MORC3: variants seen among roughly 807,000 people sequenced by gnomAD.
MORC3 encodes the protein MORC family CW-type zinc finger 3.
A neutral mutation model predicts 109.1 loss-of-function variants in MORC3; 31 were observed. The ratio of observed to expected loss-of-function variants is 0.28; its 90% CI spans 0.21 to 0.38. MORC3 has a LOEUF of 0.38. Ranked by LOEUF, MORC3 falls within the 10% of genes least tolerant of loss-of-function variation. MORC3 has a pLI of 1.00. For missense variants in MORC3, 867 were observed against 1,135.8 expected, an observed-to-expected ratio of 0.76 and a Z score of 3.40; for synonymous variants, 395 against 380.7, an observed-to-expected ratio of 1.04 and a Z score of -0.44.
Position 36,369,740 on chromosome 21 carries a change from A to G in MORC3, c.2372A>G (p.Gln791Arg). ...ERLKKQCSAL[Q>R]HVKAECSQCS... Reference sequence around the variant, plus strand: ...CTGAAAAAACAATGTAGTGCTTTGCAACATGTAAAGGCTGAATGCAGCCAG... The same window carrying G: ...CTGAAAAAACAATGTAGTGCTTTGCGACATGTAAAGGCTGAATGCAGCCAG... Residue 791 changes from glutamine to arginine, a missense_variant, in exon 15 of 17, where the codon CAA (glutamine) becomes CGA (arginine). Coordinates refer to ENST00000400485, the MANE Select transcript of MORC3 (RefSeq NM_015358.3). The G allele has an allele frequency of 6.2e-7, 1 of 1,614,246 alleles. No individual in the cohort carries two copies. The highest frequency in any genetic ancestry group is 1.1e-5 in the South Asian group (1 of 91,088).
In MORC3 at chr21:36,337,829, G is replaced by T. The variant is rs773678802; in HGVS notation, c.343G>T (p.Ala115Ser). 36 of 1,614,034 alleles carry T rather than the reference G, an allele frequency of 2.2e-5. No individual in the cohort carries two copies. The highest frequency in any genetic ancestry group is 4.5e-5 in the East Asian group (2 of 44,892). The change falls in exon 4 of 17, where the codon GCA (alanine) becomes TCA (serine). Residue 115 changes from alanine (A) to serine (S), a missense_variant. Ala to Ser is a moderately conservative substitution (Grantham distance 99). Coordinates refer to ENST00000400485, the MANE Select transcript of MORC3 (RefSeq NM_015358.3). ...GGGTTCTATGCGTCTGGGTAAAGAC[G>T]CAATCGTTTTTACCAAAAATGGAGA... is the stretch of plus-strand genomic sequence containing the variant. ...KSGSMRLGKD[A>S]IVFTKNGESM...
chr21:36,328,074 A>C (rs2085270025), intron 1 of MORC3, among the ~76,000 whole-genome samples: 1 of 151,742 alleles, frequency 6.6e-6, no homozygotes, highest in African/African-American at 2.4e-5. Context: ...ACGGGGTTTC[A>C]CCATGTTGGC....
At chr21:36,336,312 C>T (rs950432762) in intron 2 of MORC3, among the ~76,000 whole-genome samples, 5 of 151,652 alleles carry the variant, frequency 3.3e-5, no homozygotes, top group African/African-American at 9.7e-5. Context: ...GCACGATCTC[C>T]GCTCACTGCA....
At chr21:36,333,104 T>C (rs117094904) in intron 1 of MORC3, among the ~76,000 whole-genome samples, 5 of 152,290 alleles carry the variant, frequency 3.3e-5, no homozygotes, top group Admixed American at 6.5e-5. Flanking sequence ...GTAACTCTTA[T>C]TTGAATTCTT....
intron 8 of MORC3, among the ~76,000 whole-genome samples, chr21:36,346,931 G>A (rs1330778103): frequency 1.3e-5 from 2 of 151,532 alleles, no homozygotes; most frequent in African/African-American, 4.9e-5. Context: ...CTTGAGCCCT[G>A]GAGTTTGAGG....
At chr21:36,338,669 ATTAT>A (rs1356454444) in intron 4 of MORC3, 101 bp from the exon 5 acceptor site, 4 of 1,163,798 alleles carry the variant, frequency 3.4e-6, no homozygotes, top group Admixed American at 2.7e-5. Context: ...ACCTTAGAAA[ATTAT>A]TTATAAATAG....
intron 1 of MORC3, among the ~76,000 whole-genome samples, chr21:36,331,248 A>C (rs1886947495): frequency 6.6e-6 from 1 of 152,198 alleles, no homozygotes; most frequent in African/African-American, 2.4e-5. Context: ...GAACAAAAAA[A>C]TTGCATGAAA....
chr21:36,323,193 C>T (rs574972196), intron 1 of MORC3, among the ~76,000 whole-genome samples: 6 of 152,114 alleles, frequency 3.9e-5, no homozygotes, highest in Admixed American at 3.9e-4. Flanking sequence ...TGGAAATTTC[C>T]TTCCTCTTTT....
At chr21:36,349,207 C>T (rs2085545264) in intron 8 of MORC3, 104 bp from the exon 9 acceptor site, 1 of 741,774 alleles carries the variant, frequency 1.3e-6, no homozygotes, top group Non-Finnish European at 2.2e-6. Context: ...GAGAATCATA[C>T]AAGATAAAAT....
chr21:36,354,165 G>A (rs950988547), intron 9 of MORC3, among the ~76,000 whole-genome samples: 1 of 151,944 alleles, frequency 6.6e-6, no homozygotes, highest in African/African-American at 2.4e-5. Context: ...CTTCATCCTC[G>A]TAGTCTTCGT....
intron 8 of MORC3, among the ~76,000 whole-genome samples, chr21:36,347,533 C>G (rs2085522861): frequency 6.6e-6 from 1 of 152,154 alleles, no homozygotes; most frequent in African/African-American, 2.4e-5. Flanking sequence ...CTAGTATTTG[C>G]ATTCTGTGGA....
At chr21:36,341,132 A>G (rs1163896119) in intron 5 of MORC3, among the ~76,000 whole-genome samples, 1 of 152,214 alleles carries the variant, frequency 6.6e-6, no homozygotes. Flanking sequence ...GCTGTATCAT[A>G]TAGTACTTGC....
chr21:36,369,997 C>T (rs2085836405), intron 15 of MORC3, 121 bp downstream of exon 15: 14 of 1,143,976 alleles, frequency 1.2e-5, no homozygotes, highest in South Asian at 6.0e-5. Context: ...GAGGCCAAGG[C>T]GGGTGGGTCA....
chr21:36,329,574 A>C (rs1232314632), intron 1 of MORC3, among the ~76,000 whole-genome samples: 1 of 152,174 alleles, frequency 6.6e-6, no homozygotes, highest in African/African-American at 2.4e-5. Flanking sequence ...ACCAAAAATA[A>C]AATTCTAAGG....
intron 1 of MORC3, among the ~76,000 whole-genome samples, chr21:36,326,309 A>G (rs1048333714): frequency 1.3e-5 from 2 of 152,084 alleles, no homozygotes; most frequent in African/African-American, 4.8e-5. Context: ...AGATCACTTG[A>G]GATCAGGAGT....
chr21:36,341,287 G>T (rs1011465328), intron 5 of MORC3, 112 bp from the exon 6 acceptor site: 12 of 996,374 alleles, frequency 1.2e-5, no homozygotes, highest in Non-Finnish European at 1.7e-5. Context: ...CCACTGACGT[G>T]CACCATGTGT....
At chr21:36,374,573 T>C (rs1250271234) in intron 16 of MORC3, among the ~76,000 whole-genome samples, 4 of 152,152 alleles carry the variant, frequency 2.6e-5, no homozygotes, top group Non-Finnish European at 5.9e-5. Flanking sequence ...GAATGCTTGA[T>C]TGAGCCCAGG....
At chr21:36,331,047 A>C (rs1296840078) in intron 1 of MORC3, among the ~76,000 whole-genome samples, 1 of 152,182 alleles carries the variant, frequency 6.6e-6, no homozygotes, top group Non-Finnish European at 1.5e-5. Flanking sequence ...ATGGTAAATG[A>C]AGGTTTTGGA....
chr21:36,341,482 A>G lies in MORC3; in HGVS notation c.692A>G (p.Lys231Arg), dbSNP rs2085444963. 1 of 1,614,138 alleles carries G rather than the reference A, an allele frequency of 6.2e-7. No individual in the cohort carries two copies. Among genetic ancestry groups the G allele is most frequent in the Admixed American group, 1.7e-5 (1 of 59,986 alleles). ...GAGGATTTAGATGAGATAACAGGGA[A>G]GAAGGGGTACAAGAAGCAGGAAAGG... Reference protein sequence around the residue: ...IPEDLDEITGKKGYKKQERMD... With the variant: ...IPEDLDEITGRKGYKKQERMD... Residue 231 changes from lysine to arginine, a missense_variant, in exon 6 of 17, where the codon AAG becomes AGG. Physicochemically the swap from Lys to Arg is conservative, Grantham distance 26. Coordinates refer to ENST00000400485, the MANE Select transcript of MORC3 (RefSeq NM_015358.3).
Sources: allele counts gnomAD v4.1 joint callset (sites outside exome capture counted in the v4.1 genomes callset), GRCh38; gene constraint gnomAD v4.1.1; transcripts MANE v1.5; gene names NCBI Gene and HGNC (gene_info 2026-07-23, HGNC 2026-07-21).